Variants in ADAM12 observed in about 807,000 individuals in gnomAD.
ADAM12 encodes ADAM metallopeptidase domain 12.
In ADAM12, 70 loss-of-function variants were observed where a neutral mutation model predicts 106.4. The observed-to-expected ratio is 0.66, with a 90% CI of 0.54 to 0.80. The LOEUF (loss-of-function observed/expected upper bound fraction) is 0.80. Ranked by LOEUF, ADAM12 falls within the 30% of genes least tolerant of loss-of-function variation. ADAM12 has a pLI of 0.00. For synonymous variants in ADAM12, 420 were observed against 433.5 expected, an observed-to-expected ratio of 0.97 and a Z score of 0.39; for missense variants, 1,010 against 1,171.9, an observed-to-expected ratio of 0.86 and a Z score of 2.02.
At chr10:126,274,505 T>C (rs562395697) in intron 3 of ADAM12, among the ~76,000 whole-genome samples, 1 of 152,306 alleles carries the variant, frequency 6.6e-6, no homozygotes, top group South Asian at 2.1e-4. Flanking sequence ...GGATTTTACA[T>C]TTATCCCCAT....
chr10:126,315,729 T>G (rs1220848237), intron 2 of ADAM12, among the ~76,000 whole-genome samples: 3 of 151,848 alleles, frequency 2.0e-5, no homozygotes, highest in Non-Finnish European at 4.4e-5. Context: ...CAAAGCTCCC[T>G]TCTCTTTTTA....
At chr10:126,214,745 T>A (rs1957957501) in intron 3 of ADAM12, among the ~76,000 whole-genome samples, 1 of 152,212 alleles carries the variant, frequency 6.6e-6, no homozygotes, top group Non-Finnish European at 1.5e-5. Flanking sequence ...TCTATGATGT[T>A]CATTATGACT....
chr10:126,330,225 C>G (rs1457462774), intron 2 of ADAM12, among the ~76,000 whole-genome samples, 187 bp downstream of exon 2: 2 of 152,178 alleles, frequency 1.3e-5, no homozygotes, highest in African/African-American at 4.8e-5. Flanking sequence ...TGTTGGATCC[C>G]TCATCAGCAC....
At chr10:126,135,324 C>A in intron 5 of ADAM12, 1 of 451,536 alleles carries the variant, frequency 2.2e-6, no homozygotes, top group Non-Finnish European at 3.9e-6. Flanking sequence ...AGAAACTCAA[C>A]CAGTTCAGTC....
Position 126,128,813 on chromosome 10 carries a change from C to T in ADAM12, c.416+6771G>A, listed in dbSNP as rs374066090. Among the ~76,000 whole-genome samples the T allele has an allele frequency of 4.0e-3, 514 of 129,860 alleles. 10 individuals are homozygous for T. Among genetic ancestry groups the T allele is most frequent in the African/African-American group, 0.014 (475 of 33,950 alleles). 85.2% of individuals were successfully genotyped at this position (129,860 alleles called of 152,430 possible). A position where few individuals can be genotyped will look rare whatever the true frequency, so the allele number is the denominator to read the frequency against. On this transcript the variant is annotated intron_variant, in intron 5 of 22. Coordinates refer to ENST00000448723, the MANE Select transcript of ADAM12 (RefSeq NM_001288973.2). ...GCGTGTCGGAATGTGTGCAAGTGGA[C>T]GCCTGCGCATGTGAGTGTGTGGTGC...
chr10:126,387,948 C>A, intron 1 of ADAM12, 110 bp downstream of exon 1: 4 of 1,153,572 alleles, frequency 3.5e-6, no homozygotes, highest in Non-Finnish European at 4.3e-6. Flanking sequence ...TCCGGAGATG[C>A]GCCGGGGCGC....
intron 2 of ADAM12, among the ~76,000 whole-genome samples, chr10:126,315,284 T>C (rs528296130): frequency 1.3e-5 from 2 of 152,322 alleles, no homozygotes; most frequent in African/African-American, 4.8e-5. Context: ...ATTTATTTTA[T>C]AGGAAAAGAT....
intron 22 of ADAM12, among the ~76,000 whole-genome samples, 171 bp from the exon 23 acceptor site, chr10:126,017,510 C>A (rs988760830): frequency 3.3e-5 from 5 of 152,134 alleles, no homozygotes; most frequent in Admixed American, 2.0e-4. Context: ...CCGCACTTCC[C>A]ACCCACAAGT....
At chr10:126,216,785 G>A (rs1423486192) in intron 3 of ADAM12, among the ~76,000 whole-genome samples, 1 of 152,242 alleles carries the variant, frequency 6.6e-6, no homozygotes, top group Non-Finnish European at 1.5e-5. Context: ...CCACCAGGGT[G>A]ACCCCGGCAG....
chr10:126,266,468 T>A (rs918793448), intron 3 of ADAM12, among the ~76,000 whole-genome samples: 1 of 152,122 alleles, frequency 6.6e-6, no homozygotes, highest in Non-Finnish European at 1.5e-5. Context: ...TTCCTTTTCC[T>A]GCAGACAGAA....
chr10:126,221,828 C>T lies in ADAM12; in HGVS notation c.260+57087G>A, dbSNP rs1194690076. Among the ~76,000 whole-genome samples, 11 of 152,314 alleles carry T rather than the reference C, an allele frequency of 7.2e-5. No individual in the cohort carries two copies. In the East Asian group the frequency reaches 1.7e-3, roughly 24 times the overall value. ...CAGGGCTGAACCAGGTGCTACGAAACTCTACTATGTTAAAAGAGTAACCAA... is the reference window on the plus strand; with the variant it reads ...CAGGGCTGAACCAGGTGCTACGAAATTCTACTATGTTAAAAGAGTAACCAA... On this transcript the variant is annotated intron_variant, in intron 3 of 22. Coordinates refer to ENST00000448723, the MANE Select transcript of ADAM12 (RefSeq NM_001288973.2).
At chr10:126,253,647 C>T (rs539697594) in intron 3 of ADAM12, among the ~76,000 whole-genome samples, 2 of 152,308 alleles carry the variant, frequency 1.3e-5, no homozygotes, top group Admixed American at 1.3e-4. Context: ...CCCTGCTCCT[C>T]TGACAGCTCC....
intron 3 of ADAM12, among the ~76,000 whole-genome samples, chr10:126,180,848 C>T (rs1342831816): frequency 6.6e-6 from 1 of 152,112 alleles, no homozygotes; most frequent in Non-Finnish European, 1.5e-5. Flanking sequence ...AGAGGGCCAT[C>T]GTTACTGCAA....
chr10:126,133,033 C>G (rs1159802087), intron 5 of ADAM12, among the ~76,000 whole-genome samples: 1 of 152,130 alleles, frequency 6.6e-6, no homozygotes, highest in Non-Finnish European at 1.5e-5. Flanking sequence ...GGCTCATGGT[C>G]CATCCTCAAA....
At chr10:126,355,455 T>C (rs1345109520) in intron 1 of ADAM12, among the ~76,000 whole-genome samples, 1 of 152,188 alleles carries the variant, frequency 6.6e-6, no homozygotes, top group Non-Finnish European at 1.5e-5. Flanking sequence ...GACAGGAACA[T>C]GTGGGTCAAA....
At chr10:126,362,374 A>C (rs1361841491) in intron 1 of ADAM12, among the ~76,000 whole-genome samples, 1 of 152,124 alleles carries the variant, frequency 6.6e-6, no homozygotes, top group Non-Finnish European at 1.5e-5. Context: ...GAAAAACTCT[A>C]TAGAGGTTCC....
intron 11 of ADAM12, among the ~76,000 whole-genome samples, chr10:126,083,894 C>T (rs1480056512): frequency 6.6e-6 from 1 of 152,176 alleles, no homozygotes; most frequent in Non-Finnish European, 1.5e-5. Flanking sequence ...GGCAATCCAT[C>T]CTCACGTCCA....
Position 126,067,029 on chromosome 10 carries a change from TG to T in ADAM12, c.1324-224del, listed in dbSNP as rs1345018834. The T allele has an allele frequency of 1.2e-5, 6 of 511,248 alleles. No homozygotes were observed. In the East Asian group the frequency reaches 2.1e-4, roughly 18 times the overall value. The allele number at this position is 511,248 out of a possible 1,614,324, so 31.7% of individuals were successfully genotyped here. A position where few individuals can be genotyped will look rare whatever the true frequency, so the allele number is the denominator to read the frequency against. On this transcript the variant is annotated intron_variant, in intron 12 of 22. Coordinates refer to ENST00000448723, the MANE Select transcript of ADAM12 (RefSeq NM_001288973.2). ...CTGGAAAAAGCCAGTAGCACACAAG[TG>T]CCCTCATGAAAGGTAAAGCAGTTGT... is the stretch of plus-strand genomic sequence containing the variant.
chr10:126,350,684 T>G (rs1855319485), intron 1 of ADAM12, among the ~76,000 whole-genome samples: 1 of 152,230 alleles, frequency 6.6e-6, no homozygotes, highest in African/African-American at 2.4e-5. Context: ...GATTACAAAG[T>G]GCTTCCCACA....
Sources: gnomAD v4.1 joint callset for allele counts (sites outside exome capture counted in the v4.1 genomes callset) on GRCh38, gnomAD v4.1.1 for gene constraint, MANE v1.5 for transcripts, NCBI Gene and HGNC (gene_info 2026-07-23, HGNC 2026-07-21) for gene names.